The following CAMKMT variants were observed in gnomAD, a reference collection of about 807,000 sequenced individuals.
CAMKMT encodes CaM KMT.
Under a neutral mutation model 48.0 loss-of-function variants are expected in CAMKMT, and 53 were observed. The ratio of observed to expected loss-of-function variants is 1.10; its 90% CI spans 0.89 to 1.39. The LOEUF (loss-of-function observed/expected upper bound fraction) is 1.39. Ranked by LOEUF, CAMKMT falls within the 40% of genes most tolerant of loss-of-function variation. The probability of loss-of-function intolerance (pLI) is 0.00; values close to 1 mark genes in which losing one functional copy is unlikely to be tolerated. For missense variants in CAMKMT, 428 were observed against 402.7 expected (o/e 1.06, Z -0.54); for synonymous variants, 165 against 152.3 (o/e 1.08, Z -0.61).
intron 3 of CAMKMT, among the ~76,000 whole-genome samples, chr2:44,416,296 T>C (rs886385150): frequency 6.6e-6 from 1 of 152,212 alleles, no homozygotes; most frequent in Non-Finnish European, 1.5e-5. Context: ...TGTTAAAATA[T>C]CAGCTTTAAT....
At chr2:44,762,032 A>G (rs1680641976) in intron 9 of CAMKMT, among the ~76,000 whole-genome samples, 1 of 152,220 alleles carries the variant, frequency 6.6e-6, no homozygotes, top group African/African-American at 2.4e-5. Flanking sequence ...CATCAGTACA[A>G]TTGCCAAGAA....
At chr2:44,418,945 A>G (rs1017614031) in intron 3 of CAMKMT, among the ~76,000 whole-genome samples, 4 of 152,178 alleles carry the variant, frequency 2.6e-5, no homozygotes, top group African/African-American at 9.6e-5. Context: ...TTCATTTTAC[A>G]GGTCTTGCCT....
rs373116373 is a variant in CAMKMT at position 44,404,924 on chromosome 2, A to T, written c.376+14619A>T. On this transcript the variant is annotated intron_variant, in intron 3 of 10. Coordinates refer to ENST00000378494, the MANE Select transcript of CAMKMT (RefSeq NM_024766.5). ...AAAGAGAATATAAATGCTGGTGGTT[A>T]CTATATAACTAGTGCTCCAAAAAGG... is the stretch of plus-strand genomic sequence containing the variant. Among the ~76,000 whole-genome samples the T allele has an allele frequency of 3.7e-3, 563 of 152,250 alleles. 3 individuals are homozygous for T. The highest frequency in any genetic ancestry group is 0.013 in the African/African-American group (541 of 41,570).
intron 3 of CAMKMT, among the ~76,000 whole-genome samples, chr2:44,464,042 T>G (rs1395576866): frequency 1.5e-5 from 2 of 133,844 alleles, no homozygotes; most frequent in Middle Eastern, 4.0e-3. Context: ...ATGATAATCT[T>G]AAAGAAGCTC....
Position 44,766,187 on chromosome 2 carries a change from A to G in CAMKMT, c.763-243A>G, listed in dbSNP as rs368295691. 7.9e-5 allele frequency among the ~76,000 whole-genome samples: 12 copies of G among 152,330 alleles called. No individual in the cohort carries two copies. In the East Asian group the frequency reaches 2.1e-3, roughly 27 times the overall value. ...GGCTTTCAACCACATTTTGTTTTTT[A>G]TAAGTATTATTTGAAAAAGATAAAA... On this transcript the variant is annotated intron_variant, in intron 9 of 10. Coordinates refer to ENST00000378494, the MANE Select transcript of CAMKMT (RefSeq NM_024766.5).
At chr2:44,763,793 A>G (rs1014343775) in intron 9 of CAMKMT, among the ~76,000 whole-genome samples, 1 of 152,184 alleles carries the variant, frequency 6.6e-6, no homozygotes, top group Non-Finnish European at 1.5e-5. Flanking sequence ...CAACCAGGGC[A>G]TGTGGAGATG....
chr2:44,382,817 T>A (rs1680388954), intron 2 of CAMKMT, among the ~76,000 whole-genome samples: 1 of 152,200 alleles, frequency 6.6e-6, no homozygotes, highest in Non-Finnish European at 1.5e-5. Context: ...GTCAAAGGAC[T>A]GGGCCTCTGT....
chr2:44,573,597 T>G (rs1312825662), intron 3 of CAMKMT, among the ~76,000 whole-genome samples: 1 of 152,094 alleles, frequency 6.6e-6, no homozygotes, highest in African/African-American at 2.4e-5. Flanking sequence ...GTAGTTTCCT[T>G]TAAGTCTTCT....
At chr2:44,420,802 C>T (rs182356109) in intron 3 of CAMKMT, among the ~76,000 whole-genome samples, 1 of 151,408 alleles carries the variant, frequency 6.6e-6, no homozygotes, top group East Asian at 1.9e-4. Flanking sequence ...ATTTCATAGC[C>T]TATATTCCAC....
At chr2:44,413,575 T>C (rs1408613377) in intron 3 of CAMKMT, among the ~76,000 whole-genome samples, 1 of 148,742 alleles carries the variant, frequency 6.7e-6, no homozygotes, top group African/African-American at 2.5e-5. Context: ...TCGGTTGAAC[T>C]GGGGCGGTAG....
At chr2:44,574,546 G>C (rs1217975122) in intron 3 of CAMKMT, among the ~76,000 whole-genome samples, 1 of 151,868 alleles carries the variant, frequency 6.6e-6, no homozygotes, top group Admixed American at 6.6e-5. Flanking sequence ...GAATTAGCTA[G>C]CCCTGAGAGG....
At chr2:44,550,071 A>G (rs528448984) in intron 3 of CAMKMT, among the ~76,000 whole-genome samples, 2 of 152,328 alleles carry the variant, frequency 1.3e-5, no homozygotes, top group African/African-American at 4.8e-5. Context: ...TAAAGAGCCA[A>G]TACCAGCACA....
chr2:44,477,184 G>A (rs543004542), intron 3 of CAMKMT, among the ~76,000 whole-genome samples: 7 of 152,218 alleles, frequency 4.6e-5, no homozygotes, highest in East Asian at 1.9e-4. Context: ...TCAGTTTGCC[G>A]TAGTTCATTA....
chr2:44,739,126 A>G (rs1573206258), intron 7 of CAMKMT, among the ~76,000 whole-genome samples: 1 of 152,318 alleles, frequency 6.6e-6, no homozygotes, highest in Non-Finnish European at 1.5e-5. Flanking sequence ...TTTTGCTCTG[A>G]GTGAAGAGAG....
chr2:44,424,410 A>C (rs181740807), intron 3 of CAMKMT, among the ~76,000 whole-genome samples: 1 of 151,854 alleles, frequency 6.6e-6, no homozygotes, highest in East Asian at 1.9e-4. Flanking sequence ...GCCGTGATAC[A>C]TTGCGCAAGT....
At chr2:44,595,959 G>C (rs752714578) in intron 3 of CAMKMT, among the ~76,000 whole-genome samples, 2 of 151,734 alleles carry the variant, frequency 1.3e-5, no homozygotes, top group Non-Finnish European at 2.9e-5. Flanking sequence ...ATGGGGCTGG[G>C]GGGGCATCAC....
At chr2:44,745,642 G>GC (rs1298902086) in intron 8 of CAMKMT, among the ~76,000 whole-genome samples, 3 of 145,556 alleles carry the variant, frequency 2.1e-5, no homozygotes, top group East Asian at 2.0e-4. Context: ...TGCATGAATT[G>GC]TTTTTTTTTT....
intron 3 of CAMKMT, among the ~76,000 whole-genome samples, chr2:44,562,760 C>T (rs1389855546): frequency 6.6e-6 from 1 of 152,180 alleles, no homozygotes; most frequent in East Asian, 1.9e-4. Flanking sequence ...GGGGTTTCAA[C>T]ATGTTGGCCA....
At chr2:44,637,052 G>A (rs547518072) in intron 3 of CAMKMT, among the ~76,000 whole-genome samples, 1 of 152,218 alleles carries the variant, frequency 6.6e-6, no homozygotes, top group Admixed American at 6.5e-5. Flanking sequence ...ATGGGTTACT[G>A]ATTTGACATA....
Sources: allele counts gnomAD v4.1 joint callset (sites outside exome capture counted in the v4.1 genomes callset), GRCh38; gene constraint gnomAD v4.1.1; transcripts MANE v1.5; gene names NCBI Gene and HGNC (gene_info 2026-07-23, HGNC 2026-07-21).